The following MAST2 variants were observed in gnomAD, a reference collection of about 807,000 sequenced individuals.
MAST2 encodes the protein microtubule-associated serine/threonine-protein kinase 2.
A neutral mutation model predicts 147.4 loss-of-function variants in MAST2; 70 were observed. The observed-to-expected ratio is 0.47, with a 90% CI of 0.39 to 0.58. The LOEUF is 0.58. Ranked by LOEUF, MAST2 falls within the 20% of genes least tolerant of loss-of-function variation. MAST2 has a pLI of 0.00. For synonymous variants in MAST2, 869 were observed against 896.8 expected (o/e 0.97, Z 0.55); for missense variants, 2,080 against 2,302.3 (o/e 0.90, Z 1.98).
At chr1:45,810,741 G>C (rs1240727317) in intron 1 of MAST2, among the ~76,000 whole-genome samples, 1 of 147,824 alleles carries the variant, frequency 6.8e-6, no homozygotes, top group Non-Finnish European at 1.5e-5. Context: ...AACCCGGGAG[G>C]TGGAGGTTGC....
chr1:45,936,234 A>G (rs1326813719), intron 4 of MAST2, among the ~76,000 whole-genome samples: 6 of 152,040 alleles, frequency 3.9e-5, no homozygotes, highest in African/African-American at 1.4e-4. Context: ...TGATTTTTGT[A>G]TGTTGATTTT....
chr1:45,857,606 T>G (rs1356947569), intron 3 of MAST2, among the ~76,000 whole-genome samples: 2 of 152,170 alleles, frequency 1.3e-5, no homozygotes, highest in Non-Finnish European at 2.9e-5. Flanking sequence ...CTAAAGTTAG[T>G]TCTTATTTTT....
At chr1:45,982,751 T>G (rs1013312479) in intron 5 of MAST2, among the ~76,000 whole-genome samples, 1 of 152,222 alleles carries the variant, frequency 6.6e-6, no homozygotes, top group South Asian at 2.1e-4. Flanking sequence ...GTCAGCCAGA[T>G]ATGCTGGTGG....
At chr1:45,994,275 T>C (rs1373560310) in intron 5 of MAST2, among the ~76,000 whole-genome samples, 3 of 34,988 alleles carry the variant, frequency 8.6e-5, no homozygotes, top group Non-Finnish European at 1.5e-4. Flanking sequence ...CCTAACCCTC[T>C]TTTTTTTTTT....
At chr1:45,877,553 T>G (rs1335278861) in intron 3 of MAST2, among the ~76,000 whole-genome samples, 1 of 152,174 alleles carries the variant, frequency 6.6e-6, no homozygotes, top group East Asian at 1.9e-4. Flanking sequence ...GTGAGGATAG[T>G]ATAAGTATGA....
In MAST2 at chr1:46,031,263, G is replaced by A. The variant is rs369421924; in HGVS notation, c.2965G>A (p.Val989Ile). 11 of 1,536,104 alleles carry A rather than the reference G, an allele frequency of 7.2e-6. No individual in the cohort carries two copies. The African/African-American group carries it at 8.2e-5, about 12-fold the overall frequency. ...GCGGCCAAAGCTGGATGAGGAAGCT[G>A]TTGGCCGGAGCAGTGGTTCCAGTCC... ...EQRPKLDEEA[V>I]GRSSGSSPAM... The change falls in exon 23 of 29, where the codon GTT becomes ATT. Residue 989 changes from valine (V) to isoleucine (I), a missense_variant. By Grantham distance (29) the Val-to-Ile change is conservative. Around this residue, in one of 4 missense-constraint regions of MAST2, gnomAD observed 1,278 missense variants for 1,304.2 expected, o/e 0.98. Transcript: ENST00000361297. This position sits in a 1 kb window ranked among gnomAD's most constrained non-coding sequence, Gnocchi z 4.1.
intron 4 of MAST2, among the ~76,000 whole-genome samples, chr1:45,907,082 G>T (rs1570655603): frequency 1.3e-5 from 2 of 152,194 alleles, no homozygotes; most frequent in Admixed American, 6.5e-5. Flanking sequence ...GTTTATGCAG[G>T]TATACTCCAT....
chr1:45,860,652 T>G (rs1316365283), intron 3 of MAST2, among the ~76,000 whole-genome samples: 1 of 151,814 alleles, frequency 6.6e-6, no homozygotes, highest in Admixed American at 6.6e-5. Flanking sequence ...GCCAACATGG[T>G]GAAACCCCAT....
chr1:46,026,875 TA>T (rs1217478762), intron 16 of MAST2, among the ~76,000 whole-genome samples: 1 of 152,178 alleles, frequency 6.6e-6, no homozygotes, highest in Non-Finnish European at 1.5e-5. Flanking sequence ...TTGAGTCTAC[TA>T]ATTAAAGTTT....
chr1:45,924,001 A>AATCC (rs1653952010), intron 4 of MAST2, among the ~76,000 whole-genome samples: 1 of 152,036 alleles, frequency 6.6e-6, no homozygotes, highest in Non-Finnish European at 1.5e-5. Context: ...CCTCCCCAGT[A>AATCC]GCTGGGATTA....
chr1:46,031,333 C>T lies in MAST2; in HGVS notation c.2992+43C>T. ...GCCAAACGACCTAAGCTGGAGGATA[C>T]TGCAGGGCAGGGAGGCTCAGCGGCA... On this transcript the variant is annotated intron_variant, in intron 23 of 28. Transcript: ENST00000361297. This position sits in a 1 kb window ranked among gnomAD's most constrained non-coding sequence, Gnocchi z 4.1. 6.4e-7 allele frequency: 1 copy of T among 1,568,116 alleles called. No individual in the cohort carries two copies. Among genetic ancestry groups the T allele is most frequent in the Non-Finnish European group, 8.7e-7 (1 of 1,153,052 alleles).
intron 2 of MAST2, 83 bp from the exon 3 acceptor site, chr1:45,829,345 TGGTTTTATCCA>T: frequency 9.1e-7 from 1 of 1,095,824 alleles, no homozygotes; most frequent in Non-Finnish European, 1.3e-6. Context: ...TGTATCAGTA[TGGTTTTATCCA>T]CTTGATATCA....
chr1:45,921,054 G>C (rs992491602), intron 4 of MAST2, among the ~76,000 whole-genome samples: 2 of 152,208 alleles, frequency 1.3e-5, no homozygotes, highest in African/African-American at 4.8e-5. Flanking sequence ...GGAGTGCAGT[G>C]GCGCAATCTC....
chr1:46,030,689 A>C lies in MAST2; in HGVS notation c.2636A>C (p.Lys879Thr). 1 of 1,609,096 alleles carries C rather than the reference A, an allele frequency of 6.2e-7. No individual in the cohort carries two copies. Among genetic ancestry groups the C allele is most frequent in the Non-Finnish European group, 8.5e-7 (1 of 1,178,526 alleles). Residue 879 changes from lysine (K) to threonine (T), a missense_variant, in exon 22 of 29, where the codon AAG (lysine) becomes ACG (threonine). Physicochemically the swap from Lys to Thr is moderately conservative, Grantham distance 78 (BLOSUM62 -1). This residue lies in a region of MAST2 where 1,278 missense variants were observed against 1,304.2 expected (regional missense o/e 0.98). Coordinates refer to ENST00000361297, the MANE Select transcript of MAST2 (RefSeq NM_015112.3). ...PPTKRSLSEE[K>T]EDHSDGLAGL... ...ACCAAGCGCAGCCTGAGTGAGGAGA[A>C]GGAGGACCATTCAGATGGCCTGGCA...
chr1:45,918,582 C>T (rs568127545), intron 4 of MAST2, among the ~76,000 whole-genome samples: 2 of 152,094 alleles, frequency 1.3e-5, no homozygotes, highest in South Asian at 2.1e-4. Context: ...GGATTACAGG[C>T]GGCTGCCCCC....
At position 46,027,983 on chromosome 1, in the gene MAST2, G is replaced by C. The variant is rs114910066; in HGVS notation, c.2052+120G>C. 4.0e-3 allele frequency: 4,788 copies of C among 1,210,870 alleles called. 136 individuals carry two copies. The African/African-American group carries it at 0.063, about 16-fold the overall frequency. The allele number at this position is 1,210,870 out of a possible 1,614,324, so 75.0% of individuals were successfully genotyped here. On this transcript the variant is annotated intron_variant, in intron 17 of 28. Coordinates refer to ENST00000361297, the MANE Select transcript of MAST2 (RefSeq NM_015112.3). ...GAGGCAGGAGGATCGCTTGAGGCCA[G>C]CCTGGGCAACATAGTGAGACCCCAT...
At chr1:45,973,105 G>T (rs566991671) in intron 5 of MAST2, among the ~76,000 whole-genome samples, 1 of 151,558 alleles carries the variant, frequency 6.6e-6, no homozygotes, top group Admixed American at 6.6e-5. Context: ...AAAAATTTTA[G>T]CTCTTGACTC....
At chr1:45,890,580 C>A (rs1011925309) in intron 4 of MAST2, among the ~76,000 whole-genome samples, 3 of 152,134 alleles carry the variant, frequency 2.0e-5, no homozygotes, top group African/African-American at 7.2e-5. Flanking sequence ...ATTAGAGCCA[C>A]CCCTATGACC....
intron 6 of MAST2, among the ~76,000 whole-genome samples, chr1:46,001,144 C>T (rs568858447): frequency 6.6e-6 from 1 of 152,314 alleles, no homozygotes; most frequent in African/African-American, 2.4e-5. Context: ...CCAAAGGGAT[C>T]TCCCTCTACC....
Sources: allele counts gnomAD v4.1 joint callset (sites outside exome capture counted in the v4.1 genomes callset), GRCh38; gene constraint gnomAD v4.1.1; regional missense constraint gnomAD v4.1.1; non-coding constraint Gnocchi (gnomAD v3.1); transcripts MANE v1.5; gene names NCBI Gene and HGNC (gene_info 2026-07-23, HGNC 2026-07-21).